GRID1: variants seen among roughly 807,000 people sequenced by gnomAD.
The protein encoded by GRID1 is glutamate ionotropic receptor delta type subunit 1.
In GRID1, 28 loss-of-function variants were observed where a neutral mutation model predicts 98.0. The ratio of observed to expected loss-of-function variants is 0.29; its 90% CI spans 0.21 to 0.39. The LOEUF is 0.39. Among genes scored for constraint, GRID1 ranks in the 10% least tolerant of loss-of-function variants. GRID1 has a pLI of 1.00. For missense variants in GRID1, 1,111 were observed against 1,340.5 expected (o/e 0.83, Z 2.67); for synonymous variants, 553 against 538.5 (o/e 1.03, Z -0.37).
At chr10:86,348,397 A>G (rs983658538) in intron 2 of GRID1, among the ~76,000 whole-genome samples, 3 of 152,254 alleles carry the variant, frequency 2.0e-5, no homozygotes, top group African/African-American at 7.2e-5. Flanking sequence ...AAGAGCGTAC[A>G]GAACTGAGAC....
intron 4 of GRID1, among the ~76,000 whole-genome samples, chr10:86,018,600 C>A (rs1045608902): frequency 1.3e-5 from 2 of 152,184 alleles, no homozygotes; most frequent in Non-Finnish European, 2.9e-5. Context: ...TGCAGGTGCC[C>A]ACGCCTTCCA....
chr10:85,821,409 C>T (rs1392555498), intron 8 of GRID1, among the ~76,000 whole-genome samples: 1 of 145,968 alleles, frequency 6.9e-6, no homozygotes, highest in African/African-American at 2.5e-5. Flanking sequence ...CCCAGCTACT[C>T]AGGAGGCTGA....
intron 5 of GRID1, among the ~76,000 whole-genome samples, chr10:85,884,206 A>G (rs1394484886): frequency 1.3e-5 from 2 of 151,818 alleles, no homozygotes; most frequent in Non-Finnish European, 2.9e-5. Flanking sequence ...TTTTTTGGTC[A>G]TTTTTCCTTT....
chr10:86,186,811 C>G (rs1347126035), intron 3 of GRID1, among the ~76,000 whole-genome samples: 3 of 152,230 alleles, frequency 2.0e-5, no homozygotes, highest in Admixed American at 6.5e-5. Context: ...CCCCAGAGCA[C>G]ATAAGAAGCA....
intron 2 of GRID1, among the ~76,000 whole-genome samples, chr10:86,333,580 T>G (rs1035256713): frequency 4.6e-5 from 7 of 152,214 alleles, no homozygotes; most frequent in Non-Finnish European, 1.0e-4. Context: ...AGTCAAAAAT[T>G]TGAGTACAAC....
intron 2 of GRID1, among the ~76,000 whole-genome samples, chr10:86,337,764 G>A (rs1186452485): frequency 8.0e-6 from 1 of 125,046 alleles, no homozygotes; most frequent in Non-Finnish European, 1.6e-5. Flanking sequence ...CTGGAGTGCA[G>A]TGACATGATC....
At position 86,364,146 on chromosome 10, in the gene GRID1, C is replaced by G. The variant is rs747358301; in HGVS notation, c.80-50G>C. 1.9e-6 allele frequency: 3 copies of G among 1,551,902 alleles called. No individual in the cohort carries two copies. In the African/African-American group the frequency reaches 4.1e-5, roughly 21 times the overall value. On this transcript the variant is annotated intron_variant, in intron 1 of 15. Coordinates refer to ENST00000327946, the MANE Select transcript of GRID1 (RefSeq NM_017551.3). ...CGGACCTGGACAAGAACCCTCTCCCCGCTTCCCTTGGCCCGAGGGTCAAGG... is the reference window on the plus strand; with the variant it reads ...CGGACCTGGACAAGAACCCTCTCCCGGCTTCCCTTGGCCCGAGGGTCAAGG...
intron 5 of GRID1, among the ~76,000 whole-genome samples, chr10:85,901,978 G>A (rs1424466819): frequency 3.9e-5 from 6 of 152,184 alleles, no homozygotes; most frequent in Non-Finnish European, 7.3e-5. Context: ...AGTAAATAGG[G>A]TTTGTTTCCT....
At chr10:86,293,184 C>A (rs182419142) in intron 2 of GRID1, among the ~76,000 whole-genome samples, 4 of 152,336 alleles carry the variant, frequency 2.6e-5, no homozygotes, top group African/African-American at 9.6e-5. Context: ...GAGCTCCAAC[C>A]TTTCCCAGCT....
At chr10:85,738,803 T>C (rs148433488) in intron 8 of GRID1, among the ~76,000 whole-genome samples, 1 of 152,162 alleles carries the variant, frequency 6.6e-6, no homozygotes, top group Non-Finnish European at 1.5e-5. Flanking sequence ...GGCAATATTA[T>C]AGGTACTGAA....
intron 12 of GRID1, among the ~76,000 whole-genome samples, chr10:85,664,076 A>G (rs968106196): frequency 5.9e-5 from 9 of 152,144 alleles, no homozygotes; most frequent in African/African-American, 2.2e-4. Context: ...TAGTCACTCA[A>G]TGTTGATGTG....
At chr10:86,271,903 A>C (rs543433980) in intron 2 of GRID1, among the ~76,000 whole-genome samples, 2 of 152,202 alleles carry the variant, frequency 1.3e-5, no homozygotes, top group African/African-American at 2.4e-5. Flanking sequence ...TTTGACAAAA[A>C]CCATAAATGC....
chr10:86,166,635 A>C (rs932099211), intron 3 of GRID1, among the ~76,000 whole-genome samples: 4 of 152,232 alleles, frequency 2.6e-5, no homozygotes, highest in Non-Finnish European at 5.9e-5. Context: ...TGCTGCCACA[A>C]CAGCCCAGTT....
chr10:85,652,800 C>T (rs1404213002), intron 12 of GRID1, among the ~76,000 whole-genome samples: 1 of 152,112 alleles, frequency 6.6e-6, no homozygotes, highest in Admixed American at 6.5e-5. Context: ...CAGGGGAAGG[C>T]TTCCTAGGTG....
At chr10:86,107,903 G>C (rs1312406964) in intron 4 of GRID1, among the ~76,000 whole-genome samples, 1 of 152,156 alleles carries the variant, frequency 6.6e-6, no homozygotes, top group Admixed American at 6.5e-5. Context: ...CATCTGCTGA[G>C]AGCCACTCCC....
At chr10:85,724,317 A>G in intron 11 of GRID1, 35 bp downstream of exon 11, 1 of 1,539,828 alleles carries the variant, frequency 6.5e-7, no homozygotes, top group Non-Finnish European at 8.9e-7. Flanking sequence ...CCAGGCCCCT[A>G]GAGCTATTCA....
intron 5 of GRID1, among the ~76,000 whole-genome samples, chr10:85,900,333 A>G (rs1296283214): frequency 6.6e-6 from 1 of 152,216 alleles, no homozygotes; most frequent in Non-Finnish European, 1.5e-5. Context: ...GGTAGAAGGC[A>G]CAGATAATAG....
chr10:86,077,577 G>A (rs1843900821), intron 4 of GRID1, among the ~76,000 whole-genome samples: 1 of 152,314 alleles, frequency 6.6e-6, no homozygotes, highest in Middle Eastern at 3.4e-3. Flanking sequence ...ACGTCTCCAT[G>A]TGTGTAGACA....
intron 8 of GRID1, among the ~76,000 whole-genome samples, chr10:85,815,112 G>T (rs1319638402): frequency 6.6e-6 from 1 of 151,886 alleles, no homozygotes; most frequent in East Asian, 1.9e-4. Context: ...ATCAATTGCT[G>T]GAATTCGCCA....
Sources: allele counts gnomAD v4.1 joint callset (sites outside exome capture counted in the v4.1 genomes callset), GRCh38; gene constraint gnomAD v4.1.1; transcripts MANE v1.5; gene names NCBI Gene and HGNC (gene_info 2026-07-23, HGNC 2026-07-21).